PLD3: variants seen among roughly 807,000 people sequenced by gnomAD.
The protein encoded by PLD3 is 5'-3' exonuclease PLD3.
In PLD3, 31 loss-of-function variants were observed where a neutral mutation model predicts 58.4. That is an observed-to-expected ratio of 0.53 (90% confidence interval 0.40 to 0.72). PLD3 has a LOEUF of 0.72. Among genes scored for constraint, PLD3 ranks in the 30% least tolerant of loss-of-function variants. PLD3 has a pLI of 0.00. For missense variants in PLD3, 595 were observed against 659.8 expected (o/e 0.90, Z 1.08); for synonymous variants, 264 against 273.4 (o/e 0.97, Z 0.34).
intron 8 of PLD3, 28 bp from the exon 9 acceptor site, chr19:40,371,645 C>T (rs559942798): frequency 6.5e-7 from 1 of 1,548,162 alleles, no homozygotes; most frequent in South Asian, 1.1e-5. Flanking sequence ...AGGCCGCTAT[C>T]GCTGAGCTCA....
chr19:40,373,136 C>T (rs1456458792), intron 9 of PLD3, among the ~76,000 whole-genome samples: 1 of 152,182 alleles, frequency 6.6e-6, no homozygotes, highest in Non-Finnish European at 1.5e-5. Context: ...CCAGAGTCAT[C>T]GTGGAAGGCA....
intron 8 of PLD3, chr19:40,370,745 TC>T (rs1167095412): frequency 6.5e-6 from 1 of 154,218 alleles, no homozygotes; most frequent in African/African-American, 2.4e-5. Flanking sequence ...CTCCCTCTGA[TC>T]CCCAATTGCA....
chr19:40,352,046 C>T (rs1456574960), intron 1 of PLD3, among the ~76,000 whole-genome samples: 3 of 152,070 alleles, frequency 2.0e-5, no homozygotes, highest in East Asian at 1.9e-4. Context: ...CTGAGGCGGG[C>T]GGATCACTTG....
intron 1 of PLD3, chr19:40,357,926 C>T (rs2078691603): frequency 6.6e-6 from 1 of 152,184 alleles, no homozygotes; most frequent in Admixed American, 6.6e-5. Context: ...TTAATCTCCA[C>T]ATTGTTCAAA....
At chr19:40,361,544 TCTC>T (rs760828527) in intron 1 of PLD3, among the ~76,000 whole-genome samples, 1 of 152,036 alleles carries the variant, frequency 6.6e-6, no homozygotes, top group South Asian at 2.1e-4. Context: ...CTCTGTGACA[TCTC>T]CTCTCCCACT....
intron 1 of PLD3, among the ~76,000 whole-genome samples, chr19:40,361,112 A>G (rs527439955): frequency 6.6e-6 from 1 of 151,184 alleles, no homozygotes; most frequent in Admixed American, 6.6e-5. Flanking sequence ...GGAGATCCTC[A>G]TCTCTTTTTT....
intron 9 of PLD3, among the ~76,000 whole-genome samples, chr19:40,373,991 C>CAAAAAAAA (rs750537190): frequency 2.3e-5 from 1 of 43,544 alleles, no homozygotes; most frequent in Non-Finnish European, 4.7e-5. Context: ...GACTCCATCT[C>CAAAAAAAA]AAAAAAAAAA....
chr19:40,350,129 A>G (rs1465742216), intron 1 of PLD3, among the ~76,000 whole-genome samples: 6 of 132,622 alleles, frequency 4.5e-5, no homozygotes, highest in East Asian at 2.5e-4. Flanking sequence ...GCATGGTGGC[A>G]CATGCCTGTA....
At chr19:40,362,169 GC>G (rs2078803553) in intron 1 of PLD3, among the ~76,000 whole-genome samples, 1 of 152,148 alleles carries the variant, frequency 6.6e-6, no homozygotes, top group African/African-American at 2.4e-5. Context: ...TTTGTTCACA[GC>G]TGTATCCCCA....
intron 9 of PLD3, among the ~76,000 whole-genome samples, chr19:40,373,179 C>G (rs986506870): frequency 6.6e-6 from 1 of 152,200 alleles, no homozygotes; most frequent in Non-Finnish European, 1.5e-5. Context: ...GGAAGTGTGA[C>G]TCATTGGGGT....
chr19:40,369,669 A>T (rs2145691811), intron 6 of PLD3, among the ~76,000 whole-genome samples: 1 of 152,328 alleles, frequency 6.6e-6, no homozygotes, highest in East Asian at 1.9e-4. Context: ...GAGGGGCAGG[A>T]GGGGTCAGGA....
intron 10 of PLD3, among the ~76,000 whole-genome samples, chr19:40,375,433 G>A (rs890988488): frequency 2.0e-5 from 3 of 149,286 alleles, no homozygotes; most frequent in African/African-American, 2.5e-5. Context: ...GGTGGATCAC[G>A]AGGTCAGGAG....
At chr19:40,376,077 C>T (rs1158790555) in intron 10 of PLD3, among the ~76,000 whole-genome samples, 1 of 151,950 alleles carries the variant, frequency 6.6e-6, no homozygotes, top group East Asian at 1.9e-4. Flanking sequence ...GAGGATGGAC[C>T]GGGCACAGTG....
At chr19:40,366,582 T>C (rs984792763) in intron 3 of PLD3, 28 bp from the exon 4 acceptor site, 3 of 1,582,084 alleles carry the variant, frequency 1.9e-6, no homozygotes, top group Non-Finnish European at 2.6e-6. Context: ...GAGCCACCTG[T>C]CACCCCCGTT....
chr19:40,361,237 G>A (rs542392993), intron 1 of PLD3, among the ~76,000 whole-genome samples: 109 of 152,096 alleles, frequency 7.2e-4, no homozygotes, highest in Non-Finnish European at 1.4e-3. Context: ...CAGCAATCCC[G>A]AGTAGCTGGG....
chr19:40,359,057 T>G (rs1231307632), intron 1 of PLD3: 1 of 152,356 alleles, frequency 6.6e-6, no homozygotes, highest in East Asian at 1.9e-4. Context: ...TTGTTTTTTG[T>G]TTTTTGTTTT....
chr19:40,366,889 C>T lies in PLD3; in HGVS notation c.219C>T (p.Arg73=). Residue 73 remains arginine, a synonymous_variant, in exon 5 of 13, where the codon CGC becomes CGT. Coordinates refer to ENST00000409735, the MANE Select transcript of PLD3 (RefSeq NM_012268.4). The stretch of plus-strand genomic sequence containing the variant: ...TGCATCTCTTTGGGCCCAACCAGCG[C>T]CCAGCCCCCTGCTATGACCCTTGCG... ...GDLHLFGPNQ[R]PAPCYDPCEA... The T allele has an allele frequency of 1.2e-6, 2 of 1,612,100 alleles. No homozygotes were observed. The highest frequency in any genetic ancestry group is 1.7e-6 in the Non-Finnish European group (2 of 1,178,914).
At chr19:40,365,407 C>G (rs2078893208) in intron 1 of PLD3, 1 of 152,208 alleles carries the variant, frequency 6.6e-6, no homozygotes, top group Non-Finnish European at 1.5e-5. Context: ...ACCATCTCCT[C>G]TGACCTTTTC....
chr19:40,351,802 GC>G (rs1462637236), intron 1 of PLD3, among the ~76,000 whole-genome samples: 11 of 152,176 alleles, frequency 7.2e-5, no homozygotes, highest in Non-Finnish European at 1.5e-4. Context: ...AGGATGTGGA[GC>G]CGAGGAGGGA....
Sources: allele counts gnomAD v4.1 joint callset (sites outside exome capture counted in the v4.1 genomes callset), GRCh38; gene constraint gnomAD v4.1.1; transcripts MANE v1.5; gene names NCBI Gene and HGNC (gene_info 2026-07-23, HGNC 2026-07-21).